Variants in CCDC66 observed in about 807,000 individuals in gnomAD.
The protein encoded by CCDC66 is coiled-coil domain containing 66, also known as coiled-coil domain-containing protein 66.
Under a neutral mutation model 128.3 loss-of-function variants are expected in CCDC66, and 133 were observed. The ratio of observed to expected loss-of-function variants is 1.04; its 90% CI spans 0.90 to 1.20. CCDC66 has a LOEUF of 1.20. Among genes scored for constraint, CCDC66 ranks in the 50% most tolerant of loss-of-function variants. The pLI is 0.00. For missense variants in CCDC66, 1,126 were observed against 1,075.5 expected (o/e 1.05, Z -0.66); for synonymous variants, 387 against 357.0 (o/e 1.08, Z -0.95).
At position 56,613,116 on chromosome 3, in the gene CCDC66, C is replaced by G. The variant is rs544945798; in HGVS notation, c.1405-473C>G. 3.3e-5 allele frequency among the ~76,000 whole-genome samples: 5 copies of G among 152,264 alleles called. No homozygotes were observed. In the South Asian group the frequency reaches 1.0e-3, roughly 32 times the overall value. On this transcript the variant is annotated intron_variant, in intron 10 of 17. Transcript: ENST00000394672. ...ATGCAGGACCACTAGGGACTGGGCTCTCAAAATAGTGCCATGCTACAGTTC... is the reference window on the plus strand; with the variant it reads ...ATGCAGGACCACTAGGGACTGGGCTGTCAAAATAGTGCCATGCTACAGTTC...
chr3:56,587,062 A>G (rs147228341), intron 7 of CCDC66, among the ~76,000 whole-genome samples: 114 of 152,024 alleles, frequency 7.5e-4, no homozygotes, highest in African/African-American at 2.6e-3. Context: ...TAAGATGCCA[A>G]TATATTATTA....
chr3:56,586,121 T>C (rs533549257), intron 7 of CCDC66, among the ~76,000 whole-genome samples: 1 of 152,150 alleles, frequency 6.6e-6, no homozygotes, highest in South Asian at 2.1e-4. Context: ...TAATTCTTTA[T>C]GCATTTGTTT....
rs1393240295 is a variant in CCDC66 at position 56,567,117 on chromosome 3, C to T, written c.814+64C>T. 9 of 1,228,686 alleles carry T rather than the reference C, an allele frequency of 7.3e-6. No individual in the cohort carries two copies. The Middle Eastern group carries it at 5.7e-4, about 78-fold the overall frequency. 76.1% of individuals were successfully genotyped at this position (1,228,686 alleles called of 1,614,324 possible). On this transcript the variant is annotated intron_variant, in intron 6 of 17. Coordinates refer to ENST00000394672, the MANE Select transcript of CCDC66 (RefSeq NM_001141947.3). Reference sequence around the variant, plus strand: ...TTAAAGAATATGTATTGAAGCCGGGCACGGTGGCTCACACCTGTAATACCA... The same window carrying T: ...TTAAAGAATATGTATTGAAGCCGGGTACGGTGGCTCACACCTGTAATACCA...
intron 7 of CCDC66, among the ~76,000 whole-genome samples, chr3:56,584,774 C>G (rs1418927221): frequency 6.6e-6 from 1 of 151,906 alleles, no homozygotes; most frequent in African/African-American, 2.4e-5. Context: ...TAGCCGAGAT[C>G]ACTCCACTGC....
intron 7 of CCDC66, among the ~76,000 whole-genome samples, chr3:56,580,271 C>T (rs1479210197): frequency 6.6e-6 from 1 of 151,730 alleles, no homozygotes; most frequent in East Asian, 2.0e-4. Flanking sequence ...GGTAGATCTT[C>T]CTCCATCCCT....
intron 1 of CCDC66, 64 bp downstream of exon 1, chr3:56,557,317 A>T: frequency 6.5e-7 from 1 of 1,541,650 alleles, no homozygotes. Context: ...AGAGGGAGGC[A>T]TGTGTGTCTG....
chr3:56,617,253 T>G lies in CCDC66; in HGVS notation c.1985T>G (p.Leu662Arg). Residue 662 changes from leucine to arginine, a missense_variant, in exon 14 of 18, where the codon CTA becomes CGA. By Grantham distance (102) the Leu-to-Arg change is moderately radical. Coordinates refer to ENST00000394672, the MANE Select transcript of CCDC66 (RefSeq NM_001141947.3). ...AGCACCAAGAAAAACAAGCAAGAACTAACTCAGGATAAAGGAGCCAGCTTA... is the reference window on the plus strand; with the variant it reads ...AGCACCAAGAAAAACAAGCAAGAACGAACTCAGGATAAAGGAGCCAGCTTA... ...QFSTKKNKQE[L>R]TQDKGASLEK... The G allele has an allele frequency of 6.2e-7, 1 of 1,613,840 alleles. No homozygotes were observed. Among genetic ancestry groups the G allele is most frequent in the East Asian group, 2.2e-5 (1 of 44,846 alleles).
In CCDC66 at chr3:56,593,110, T is replaced by A. The variant is rs548245099; in HGVS notation, c.1068+9T>A. ...AAATTATATATTCAAAGGTAACTTA[T>A]GAGGTTTTGTGGCTATAAAAGAAAA... On this transcript the variant is annotated intron_variant, in intron 8 of 17. Transcript: ENST00000394672. 1.5e-5 allele frequency: 24 copies of A among 1,561,686 alleles called. No individual in the cohort carries two copies. The African/African-American group carries it at 2.6e-4, about 17-fold the overall frequency.
At chr3:56,607,094 C>G (rs534209926) in intron 10 of CCDC66, among the ~76,000 whole-genome samples, 2 of 152,182 alleles carry the variant, frequency 1.3e-5, no homozygotes, top group East Asian at 3.9e-4. Context: ...CAGATTTGTT[C>G]TTTTTGCTTA....
chr3:56,559,672 C>T (rs949891012), intron 3 of CCDC66, 78 bp downstream of exon 3: 5 of 1,112,854 alleles, frequency 4.5e-6, no homozygotes, highest in Non-Finnish European at 6.4e-6. Flanking sequence ...AAAATAATTC[C>T]TGGGAAATGT....
chr3:56,562,923 A>G (rs1421149172), intron 3 of CCDC66, among the ~76,000 whole-genome samples: 3 of 151,852 alleles, frequency 2.0e-5, no homozygotes, highest in Non-Finnish European at 4.4e-5. Context: ...CTGGGATTAC[A>G]GGCATGAGCC....
intron 7 of CCDC66, among the ~76,000 whole-genome samples, chr3:56,583,404 G>C (rs1400767529): frequency 1.3e-5 from 2 of 151,912 alleles, no homozygotes; most frequent in Non-Finnish European, 2.9e-5. Flanking sequence ...AGATAAACAA[G>C]TGAACAAAGG....
intron 1 of CCDC66, 90 bp downstream of exon 1, chr3:56,557,343 T>C: frequency 6.7e-7 from 1 of 1,489,684 alleles, no homozygotes; most frequent in East Asian, 2.5e-5. Context: ...TCCCTTGGAG[T>C]CTTTACTGGA....
chr3:56,593,700 AC>A lies in CCDC66; in HGVS notation c.1280del (p.Pro427LeufsTer19). ...CTTCAGAGGAGGAGCATATAGCAAA[AC>A]CTATTAAGGATGTGGTTATGGCAAA... Reference protein sequence around the residue: ...EPSEEEHIAKPIKDVVMANSK... With the variant: ...EPSEEEHIAKXIKDVVMANSK... On this transcript the variant is annotated frameshift_variant, in exon 9 of 18. Transcript: ENST00000394672. LOFTEE classifies it high-confidence loss of function. The A allele has an allele frequency of 6.2e-7, 1 of 1,614,102 alleles. No individual in the cohort carries two copies. The highest frequency in any genetic ancestry group is 8.5e-7 in the Non-Finnish European group (1 of 1,179,978).
intron 7 of CCDC66, among the ~76,000 whole-genome samples, chr3:56,590,156 T>C (rs942410925): frequency 6.6e-6 from 1 of 152,158 alleles, no homozygotes; most frequent in Non-Finnish European, 1.5e-5. Flanking sequence ...TGGGGAATCA[T>C]GAACTGGCAA....
intron 11 of CCDC66, 75 bp downstream of exon 11, chr3:56,613,825 G>T: frequency 4.7e-6 from 6 of 1,265,262 alleles, no homozygotes; most frequent in Non-Finnish European, 6.7e-6. Context: ...CTTTTGCCCA[G>T]GTTGGAGTGC....
chr3:56,587,955 G>A (rs1304338868), intron 7 of CCDC66, among the ~76,000 whole-genome samples: 1 of 152,206 alleles, frequency 6.6e-6, no homozygotes, highest in Non-Finnish European at 1.5e-5. Context: ...ACTACCCAGA[G>A]GAAAAGAAGT....
intron 7 of CCDC66, among the ~76,000 whole-genome samples, chr3:56,576,450 A>G: frequency 6.6e-6 from 1 of 151,060 alleles, no homozygotes; most frequent in Non-Finnish European, 1.5e-5. Flanking sequence ...GTAAATGTGC[A>G]CAACATGCAG....
intron 7 of CCDC66, among the ~76,000 whole-genome samples, chr3:56,584,048 G>C (rs1577522141): frequency 7.8e-6 from 1 of 128,418 alleles, no homozygotes; most frequent in Non-Finnish European, 1.7e-5. Context: ...GGACGGGGCG[G>C]CTGGCCGGGC....
Sources: gnomAD v4.1 joint callset for allele counts (sites outside exome capture counted in the v4.1 genomes callset) on GRCh38, gnomAD v4.1.1 for gene constraint, MANE v1.5 for transcripts, NCBI Gene and HGNC (gene_info 2026-07-23, HGNC 2026-07-21) for gene names.